AUTS2: variants seen among roughly 807,000 people sequenced by gnomAD.
The protein encoded by AUTS2 is activator of transcription and developmental regulator AUTS2, also known as autism susceptibility gene 2 protein.
AUTS2 carries 17 observed loss-of-function variants against 112.4 expected under a neutral mutation model. The observed-to-expected ratio is 0.15, with a 90% CI of 0.10 to 0.23. The LOEUF (loss-of-function observed/expected upper bound fraction) is 0.23. Ranked by LOEUF, AUTS2 falls within the 10% of genes least tolerant of loss-of-function variation. AUTS2 has a pLI of 1.00. For missense variants in AUTS2, 1,510 were observed against 1,701.6 expected, an observed-to-expected ratio of 0.89 and a Z score of 1.98; for synonymous variants, 751 against 702.7, an observed-to-expected ratio of 1.07 and a Z score of -1.09.
At chr7:70,606,435 A>G (rs763339447) in intron 5 of AUTS2, among the ~76,000 whole-genome samples, 1 of 152,228 alleles carries the variant, frequency 6.6e-6, no homozygotes, top group Non-Finnish European at 1.5e-5. Context: ...CATTTGGTCA[A>G]TAGCATTTAC....
Position 70,763,096 on chromosome 7 carries a change from C to A in AUTS2, c.969C>A (p.Asp323Glu). ...TCCGAGCTCCTTCTCCGGACCCTGA[C>A]TTGGTGCAGCGCACAGAGGCCCCAC... ...PQLRAPSPDP[D>E]LVQRTEAPPQ... Residue 323 changes from aspartate (D) to glutamate (E), a missense_variant, in exon 7 of 19, where the codon GAC (aspartate) becomes GAA (glutamate). Transcript: ENST00000342771. 6.2e-7 allele frequency: 1 copy of A among 1,614,126 alleles called. No individual in the cohort carries two copies. Among genetic ancestry groups the A allele is most frequent in the Non-Finnish European group, 8.5e-7 (1 of 1,180,024 alleles).
chr7:70,168,758 G>C (rs753291920), intron 4 of AUTS2, among the ~76,000 whole-genome samples: 1 of 152,146 alleles, frequency 6.6e-6, no homozygotes, highest in Non-Finnish European at 1.5e-5. Context: ...ATTAATATTA[G>C]TTTTAATATG....
chr7:70,053,671 C>T (rs1801863758), intron 2 of AUTS2, among the ~76,000 whole-genome samples: 1 of 151,902 alleles, frequency 6.6e-6, no homozygotes, highest in Admixed American at 6.6e-5. Context: ...TCTTGAACAA[C>T]TTGGACTACA....
At position 69,609,266 on chromosome 7, in the gene AUTS2, A is replaced by G. The variant is rs139926944; in HGVS notation, c.309+9304A>G. On this transcript the variant is annotated intron_variant, in intron 1 of 18. Coordinates refer to ENST00000342771, the MANE Select transcript of AUTS2 (RefSeq NM_015570.4). ...TTTTTTAAAAACAAAAAGTCTTACT[A>G]CAAATGTGGATGAGCACCCATGATT... Among the ~76,000 whole-genome samples the G allele has an allele frequency of 6.2e-4, 95 of 152,342 alleles. 1 individual carries two copies. Among genetic ancestry groups the G allele is most frequent in the Admixed American group, 1.7e-3 (26 of 15,306 alleles).
In AUTS2 at chr7:70,130,036, C is replaced by A. The variant is rs542055940; in HGVS notation, c.625-4500C>A. Among the ~76,000 whole-genome samples the A allele has an allele frequency of 1.6e-4, 24 of 152,064 alleles. 2 individuals are homozygous for A. Among genetic ancestry groups the A allele is most frequent in the Middle Eastern group, 6.8e-3 (2 of 294 alleles). On this transcript the variant is annotated intron_variant, in intron 3 of 18. Coordinates refer to ENST00000342771, the MANE Select transcript of AUTS2 (RefSeq NM_015570.4). ...ATCTGTGAATGAGCTTGTTTTGTGA[C>A]CTTTGCAAGAAATTTACTTGTTCAT...
intron 4 of AUTS2, among the ~76,000 whole-genome samples, chr7:70,198,275 G>A (rs1403999072): frequency 2.0e-5 from 3 of 149,774 alleles, no homozygotes; most frequent in East Asian, 2.0e-4. Context: ...ACTCTAAAAC[G>A]CAGAGCGCCT....
intron 1 of AUTS2, among the ~76,000 whole-genome samples, chr7:69,752,051 C>T (rs1459272588): frequency 6.6e-6 from 1 of 152,124 alleles, no homozygotes; most frequent in Non-Finnish European, 1.5e-5. Context: ...TTAATGTGGT[C>T]CAAAATCCAC....
At chr7:70,014,898 C>G (rs918927017) in intron 2 of AUTS2, among the ~76,000 whole-genome samples, 1 of 152,248 alleles carries the variant, frequency 6.6e-6, no homozygotes, top group Admixed American at 6.5e-5. Context: ...CATTTTCAGA[C>G]AAGCTGCTTG....
chr7:70,616,702 A>G (rs1804386675), intron 5 of AUTS2, among the ~76,000 whole-genome samples: 1 of 152,020 alleles, frequency 6.6e-6, no homozygotes, highest in Non-Finnish European at 1.5e-5. Context: ...AAAGTAAGCC[A>G]ATGTGCTTCC....
intron 3 of AUTS2, among the ~76,000 whole-genome samples, chr7:70,134,128 T>C (rs1290721441): frequency 6.6e-6 from 1 of 152,168 alleles, no homozygotes; most frequent in Non-Finnish European, 1.5e-5. Flanking sequence ...TTTTTCCTCT[T>C]GCCTGCCCCT....
chr7:69,698,493 T>G (rs768469923), intron 1 of AUTS2, among the ~76,000 whole-genome samples: 1 of 152,218 alleles, frequency 6.6e-6, no homozygotes, highest in Non-Finnish European at 1.5e-5. Flanking sequence ...GTCTACCATT[T>G]AATGTTATTA....
At chr7:70,387,356 T>C (rs562727996) in intron 4 of AUTS2, among the ~76,000 whole-genome samples, 4 of 152,310 alleles carry the variant, frequency 2.6e-5, no homozygotes, top group South Asian at 4.1e-4. Flanking sequence ...TGACTATTCC[T>C]CCATCGTGAA....
intron 5 of AUTS2, among the ~76,000 whole-genome samples, chr7:70,630,379 C>T (rs117521164): frequency 0.012 from 1,832 of 152,326 alleles, 21 homozygotes; most frequent in Middle Eastern, 0.027. Context: ...CTGAGCCCTG[C>T]TGCCAGGAAT....
chr7:70,766,339 G>A lies in AUTS2; in HGVS notation c.1689+5G>A, dbSNP rs767372554. On this transcript the variant is annotated splice_donor_5th_base_variant and intron_variant, in intron 9 of 18. Transcript: ENST00000342771. This position sits in a 1 kb window ranked among gnomAD's most constrained non-coding sequence, Gnocchi z 4.8. ...CCGACGCCAGCACCTCCCATGGTGC[G>A]TACCCCAGGCAGAAATGTGAGGATA... 14 of 1,613,638 alleles carry A rather than the reference G, an allele frequency of 8.7e-6. No homozygotes were observed. The highest frequency in any genetic ancestry group is 3.3e-5 in the Admixed American group (2 of 59,990).
chr7:69,803,903 G>A (rs1422507794), intron 1 of AUTS2, among the ~76,000 whole-genome samples: 3 of 152,094 alleles, frequency 2.0e-5, no homozygotes, highest in African/African-American at 7.2e-5. Context: ...GTGGTTCCAG[G>A]CACCTGTGGT....
intron 4 of AUTS2, among the ~76,000 whole-genome samples, chr7:70,353,587 G>A (rs903818588): frequency 1.3e-5 from 2 of 152,152 alleles, no homozygotes; most frequent in Non-Finnish European, 2.9e-5. Context: ...CCATGTTTTA[G>A]TTAAGTCCCC....
intron 1 of AUTS2, among the ~76,000 whole-genome samples, chr7:69,715,463 C>T (rs1221204410): frequency 2.0e-5 from 3 of 152,140 alleles, no homozygotes; most frequent in African/African-American, 7.2e-5. Context: ...CCTCCAGATC[C>T]TTGGTTCACA....
At chr7:70,080,266 C>G (rs955055221) in intron 2 of AUTS2, among the ~76,000 whole-genome samples, 1 of 152,172 alleles carries the variant, frequency 6.6e-6, no homozygotes, top group African/African-American at 2.4e-5. Flanking sequence ...AGAATATCTT[C>G]TTGTATTTTG....
At chr7:69,884,501 G>C (rs1483280088) in intron 1 of AUTS2, among the ~76,000 whole-genome samples, 2 of 152,206 alleles carry the variant, frequency 1.3e-5, no homozygotes, top group African/African-American at 4.8e-5. Flanking sequence ...TGGTTACCCT[G>C]TAATCATGTC....
Sources: gnomAD v4.1 joint callset for allele counts (sites outside exome capture counted in the v4.1 genomes callset) on GRCh38, gnomAD v4.1.1 for gene constraint, Gnocchi (gnomAD v3.1) non-coding constraint, MANE v1.5 for transcripts, NCBI Gene and HGNC (gene_info 2026-07-23, HGNC 2026-07-21) for gene names.